The following CDH10 variants were observed in gnomAD, a reference collection of about 807,000 sequenced individuals.
CDH10 encodes cadherin 10.
In CDH10, 30 loss-of-function variants were observed where a neutral mutation model predicts 73.1. The observed-to-expected ratio is 0.41, with a 90% CI of 0.31 to 0.56. CDH10 has a LOEUF of 0.56. Among genes scored for constraint, CDH10 ranks in the 20% least tolerant of loss-of-function variants. The pLI is 0.27. For synonymous variants in CDH10, 345 were observed against 348.2 expected, an observed-to-expected ratio of 0.99 and a Z score of 0.10; for missense variants, 815 against 973.7, an observed-to-expected ratio of 0.84 and a Z score of 2.17.
intron 2 of CDH10, chr5:24,578,500 A>G (rs1466558635): frequency 2.0e-5 from 7 of 357,334 alleles, no homozygotes; most frequent in African/African-American, 1.1e-4. Flanking sequence ...CACCAGCTAC[A>G]TATCTTTCTG....
rs777008245 is a variant in CDH10 at position 24,491,623 on chromosome 5, C to G, written c.1829G>C (p.Ser610Thr). Residue 610 changes from serine (S) to threonine (T), a missense_variant, in exon 11 of 12, where the codon AGC (serine) becomes ACC (threonine). Coordinates refer to ENST00000264463, the MANE Select transcript of CDH10 (RefSeq NM_006727.5). ...GAGGATGGCGATCAAGGCCCCAGTGCTGAGGCCGGCAGGGAGGAGCAGGGC... is the reference window on the plus strand; with the variant it reads ...GAGGATGGCGATCAAGGCCCCAGTGGTGAGGCCGGCAGGGAGGAGCAGGGC... ...AEALLLPAGL[S>T]TGALIAILLC... 1.9e-6 allele frequency: 3 copies of G among 1,613,772 alleles called. No individual in the cohort carries two copies.
intron 2 of CDH10, among the ~76,000 whole-genome samples, chr5:24,549,243 C>A (rs2111943561): frequency 6.6e-6 from 1 of 152,224 alleles, no homozygotes; most frequent in South Asian, 2.1e-4. Flanking sequence ...GACATGAAAT[C>A]AGATTTCTAG....
chr5:24,545,515 T>C lies in CDH10; in HGVS notation c.232-7841A>G, dbSNP rs189602529. 2.7e-4 allele frequency among the ~76,000 whole-genome samples: 41 copies of C among 152,230 alleles called. No homozygotes were observed. The South Asian group carries it at 5.8e-3, about 22-fold the overall frequency. ...CGCAGGTGAGGGCTCAGTGTAAGTA[T>C]TCACTAAGGAGCCTTTCAGGCCTGG... On this transcript the variant is annotated intron_variant, in intron 2 of 11. Coordinates refer to ENST00000264463, the MANE Select transcript of CDH10 (RefSeq NM_006727.5).
At chr5:24,576,248 C>T (rs1340955627) in intron 2 of CDH10, among the ~76,000 whole-genome samples, 1 of 152,026 alleles carries the variant, frequency 6.6e-6, no homozygotes, top group Non-Finnish European at 1.5e-5. Flanking sequence ...GTGAGGGTGA[C>T]TTTTCCATTA....
At chr5:24,577,174 G>A (rs962503095) in intron 2 of CDH10, among the ~76,000 whole-genome samples, 10 of 151,982 alleles carry the variant, frequency 6.6e-5, no homozygotes, top group African/African-American at 2.4e-4. Context: ...TGGAATTCTA[G>A]AGGTGAGAAA....
intron 8 of CDH10, chr5:24,499,311 T>C (rs906710299): frequency 6.6e-6 from 1 of 152,656 alleles, no homozygotes; most frequent in Admixed American, 6.6e-5. Context: ...ATTAGCTCAG[T>C]AGTAAGAAAT....
intron 1 of CDH10, among the ~76,000 whole-genome samples, chr5:24,606,896 G>A (rs754322517): frequency 1.1e-3 from 174 of 152,170 alleles, no homozygotes; most frequent in African/African-American, 3.7e-3. Flanking sequence ...AGACATTGGC[G>A]TTTCAAATAA....
chr5:24,505,635 T>C (rs1742672107), intron 7 of CDH10, among the ~76,000 whole-genome samples: 1 of 152,218 alleles, frequency 6.6e-6, no homozygotes, highest in South Asian at 2.1e-4. Flanking sequence ...TGCAAAAGAT[T>C]ATTCCCAGAA....
At chr5:24,576,488 A>T (rs1745602555) in intron 2 of CDH10, among the ~76,000 whole-genome samples, 1 of 152,124 alleles carries the variant, frequency 6.6e-6, no homozygotes. Flanking sequence ...AAAATACAAG[A>T]TGAGACTGAG....
Position 24,599,712 on chromosome 5 carries a change from A to G in CDH10, c.-123-6099T>C, listed in dbSNP as rs532981393. 5.5e-4 allele frequency among the ~76,000 whole-genome samples: 83 copies of G among 152,160 alleles called. 2 individuals are homozygous for G. Among genetic ancestry groups the G allele is most frequent in the Non-Finnish European group, 7.1e-4 (48 of 68,034 alleles). ...ATATAAGACTGGCCATTAACAATCT[A>G]CTTAAATGCATAAATATAGATCTTT... On this transcript the variant is annotated intron_variant, in intron 1 of 11. Coordinates refer to ENST00000264463, the MANE Select transcript of CDH10 (RefSeq NM_006727.5).
intron 5 of CDH10, among the ~76,000 whole-genome samples, chr5:24,515,632 T>G (rs1743080620): frequency 6.6e-6 from 1 of 152,222 alleles, no homozygotes; most frequent in Admixed American, 6.5e-5. Flanking sequence ...TTAAAGTCAT[T>G]CTTTTCTGGA....
At position 24,511,332 on chromosome 5, in the gene CDH10, T is replaced by C; in HGVS notation, c.997A>G (p.Lys333Glu). The C allele has an allele frequency of 3.1e-6, 5 of 1,601,534 alleles. No individual in the cohort carries two copies. In the South Asian group the frequency reaches 5.5e-5, roughly 18 times the overall value. Residue 333 changes from lysine (K) to glutamate (E), a missense_variant, in exon 6 of 12, where the codon AAA becomes GAA. Lys to Glu is a moderately conservative substitution (Grantham distance 56). Around this residue, in one of 3 missense-constraint regions of CDH10, gnomAD observed 516 missense variants for 636.6 expected, o/e 0.81. Transcript: ENST00000264463. The stretch of plus-strand genomic sequence containing the variant: ...TTTATATGGATGCTGTGCACCTTTT[T>C]CACAGTGATGATGCCTTCCTGTGTG... Reference protein sequence around the residue: ...KDTQEGIITVKKPLDYESRRL... With the variant: ...KDTQEGIITVEKPLDYESRRL...
At chr5:24,562,395 T>G (rs1744993190) in intron 2 of CDH10, among the ~76,000 whole-genome samples, 1 of 152,100 alleles carries the variant, frequency 6.6e-6, no homozygotes, top group African/African-American at 2.4e-5. Flanking sequence ...AGTCTAATGG[T>G]GTCTCAAATT....
At chr5:24,513,829 C>G (rs1743008510) in intron 5 of CDH10, among the ~76,000 whole-genome samples, 1 of 152,106 alleles carries the variant, frequency 6.6e-6, no homozygotes, top group African/African-American at 2.4e-5. Context: ...TAATGGCTCC[C>G]CTGTTCTCTT....
chr5:24,540,436 G>A (rs999556952), intron 2 of CDH10, among the ~76,000 whole-genome samples: 2 of 151,924 alleles, frequency 1.3e-5, no homozygotes, highest in African/African-American at 4.8e-5. Flanking sequence ...ATAAATCACA[G>A]CAGGATTTAT....
chr5:24,586,933 C>T (rs969273733), intron 2 of CDH10, among the ~76,000 whole-genome samples: 8 of 146,222 alleles, frequency 5.5e-5, no homozygotes, highest in Admixed American at 5.0e-4. Context: ...CAAGCTCCGC[C>T]TCCCGGGTTC....
chr5:24,528,175 G>A (rs1038364325), intron 5 of CDH10, among the ~76,000 whole-genome samples: 3 of 151,728 alleles, frequency 2.0e-5, no homozygotes, highest in Admixed American at 2.0e-4. Context: ...TGTATCTAAT[G>A]AACATAAATC....
chr5:24,620,589 T>C (rs1333738188), intron 1 of CDH10, among the ~76,000 whole-genome samples: 1 of 152,202 alleles, frequency 6.6e-6, no homozygotes, highest in Non-Finnish European at 1.5e-5. Context: ...TAAACTATTT[T>C]TCCATATATA....
chr5:24,631,774 T>C (rs1228785269), intron 1 of CDH10, among the ~76,000 whole-genome samples: 1 of 152,072 alleles, frequency 6.6e-6, no homozygotes, highest in African/African-American at 2.4e-5. Context: ...CATCCATTTC[T>C]CAAGTTACTA....
Sources: gnomAD v4.1 joint callset for allele counts (sites outside exome capture counted in the v4.1 genomes callset) on GRCh38, gnomAD v4.1.1 for gene constraint, gnomAD v4.1.1 regional missense constraint, MANE v1.5 for transcripts, NCBI Gene and HGNC (gene_info 2026-07-23, HGNC 2026-07-21) for gene names.